Variants in CEP83 observed in about 807,000 individuals in gnomAD.
CEP83 encodes centrosomal protein of 83 kDa.
A neutral mutation model predicts 101.9 loss-of-function variants in CEP83; 70 were observed. That is an observed-to-expected ratio of 0.69 (90% CI 0.57 to 0.84). CEP83 has a LOEUF of 0.84. Ranked by LOEUF, CEP83 falls within the 40% of genes least tolerant of loss-of-function variation. The pLI, the probability that CEP83 is intolerant of heterozygous loss-of-function variation, is 0.00. For missense variants in CEP83, 715 were observed against 787.2 expected (o/e 0.91, Z 1.10); for synonymous variants, 264 against 267.9 (o/e 0.99, Z 0.14).
At chr12:94,451,637 A>C (rs183598413) in intron 1 of CEP83, among the ~76,000 whole-genome samples, 1 of 152,306 alleles carries the variant, frequency 6.6e-6, no homozygotes, top group East Asian at 1.9e-4. Flanking sequence ...GGCTATAATT[A>C]AAAAGATAAT....
the CEP83 span, among the ~76,000 whole-genome samples, chr12:94,268,620 G>T: frequency 2.1e-5 from 2 of 95,070 alleles, no homozygotes; most frequent in African/African-American, 4.9e-5. Flanking sequence ...TTTAATTTAA[G>T]GAATACCACT....
At chr12:94,438,922 T>C (rs2066196742) in intron 1 of CEP83, among the ~76,000 whole-genome samples, 1 of 152,170 alleles carries the variant, frequency 6.6e-6, no homozygotes, top group Non-Finnish European at 1.5e-5. Flanking sequence ...CTGAATGACC[T>C]CTGGGTCAAC....
intron 11 of CEP83, among the ~76,000 whole-genome samples, chr12:94,338,291 C>T (rs769382136): frequency 2.0e-5 from 3 of 151,950 alleles, no homozygotes; most frequent in Non-Finnish European, 4.4e-5. Flanking sequence ...AAAGTTGAGC[C>T]AGATATCAAA....
chr12:94,288,773 A>C, the CEP83 span, among the ~76,000 whole-genome samples: 1 of 152,246 alleles, frequency 6.6e-6, no homozygotes, highest in Non-Finnish European at 1.5e-5. Context: ...TGACGGAGGG[A>C]GAGCAATATT....
intron 11 of CEP83, among the ~76,000 whole-genome samples, chr12:94,341,289 T>G (rs1428536617): frequency 6.6e-6 from 1 of 152,200 alleles, no homozygotes; most frequent in Non-Finnish European, 1.5e-5. Context: ...ATGTAATAGA[T>G]TAATATCTAC....
At chr12:94,436,393 G>A (rs2065990198) in intron 1 of CEP83, among the ~76,000 whole-genome samples, 1 of 151,168 alleles carries the variant, frequency 6.6e-6, no homozygotes, top group Admixed American at 6.6e-5. Flanking sequence ...ATAAAAAAAA[G>A]ACAACCACAA....
intron 14 of CEP83, chr12:94,328,296 G>C: frequency 2.9e-6 from 1 of 350,760 alleles, no homozygotes; most frequent in South Asian, 2.2e-5. Context: ...CCCAACTCAA[G>C]ATCCTGTTCA....
At chr12:94,402,184 A>T (rs1013963580) in intron 5 of CEP83, 1 of 152,196 alleles carries the variant, frequency 6.6e-6, no homozygotes, top group Non-Finnish European at 1.5e-5. Context: ...ACTGTAACAG[A>T]TTTTTACTTT....
the CEP83 span, among the ~76,000 whole-genome samples, chr12:94,268,041 C>T: frequency 6.6e-6 from 1 of 152,082 alleles, no homozygotes; most frequent in Admixed American, 6.6e-5. Context: ...AAAGGAAAGT[C>T]GGAAATCAAG....
intron 6 of CEP83, among the ~76,000 whole-genome samples, chr12:94,393,039 C>T: frequency 6.6e-6 from 1 of 152,134 alleles, no homozygotes. Flanking sequence ...CTGAATTCTA[C>T]CAGAGGTACA....
At chr12:94,330,097 T>C (rs143702192) in intron 14 of CEP83, among the ~76,000 whole-genome samples, 1 of 152,338 alleles carries the variant, frequency 6.6e-6, no homozygotes, top group East Asian at 1.9e-4. Flanking sequence ...TATTTTCTCT[T>C]ATCCAAATAT....
intron 11 of CEP83, among the ~76,000 whole-genome samples, chr12:94,350,297 C>A (rs1203774953): frequency 6.6e-6 from 1 of 152,034 alleles, no homozygotes; most frequent in Non-Finnish European, 1.5e-5. Context: ...AACATATAAG[C>A]AACTGGAATA....
chr12:94,330,276 G>A (rs949989862), intron 14 of CEP83, among the ~76,000 whole-genome samples: 1 of 149,316 alleles, frequency 6.7e-6, no homozygotes, highest in South Asian at 2.1e-4. Context: ...CATATAACAC[G>A]CACACACACA....
chr12:94,455,590 T>A (rs1446377314), intron 1 of CEP83, among the ~76,000 whole-genome samples: 1 of 152,220 alleles, frequency 6.6e-6, no homozygotes, highest in South Asian at 2.1e-4. Context: ...TATAGACATA[T>A]TTTGAGACAG....
chr12:94,459,164 G>A (rs2067944462), intron 1 of CEP83, among the ~76,000 whole-genome samples: 1 of 152,200 alleles, frequency 6.6e-6, no homozygotes. Context: ...ATGGTCAAAA[G>A]TTGGACACTG....
At chr12:94,335,385 A>G (rs1483244379) in intron 12 of CEP83, among the ~76,000 whole-genome samples, 2 of 152,072 alleles carry the variant, frequency 1.3e-5, no homozygotes, top group Non-Finnish European at 2.9e-5. Flanking sequence ...TAAGAATAAT[A>G]GCAGTTAGCC....
chr12:94,389,913 GGAGGGGTGTCCC>G (rs1274067518), intron 6 of CEP83, among the ~76,000 whole-genome samples: 1 of 152,234 alleles, frequency 6.6e-6, no homozygotes, highest in Non-Finnish European at 1.5e-5. Flanking sequence ...CCTGGCAGGG[GGAGGGGTGTCCC>G]CCATTGCTGA....
chr12:94,385,945 A>C (rs1444291311), intron 6 of CEP83, among the ~76,000 whole-genome samples: 1 of 152,196 alleles, frequency 6.6e-6, no homozygotes, highest in African/African-American at 2.4e-5. Context: ...TATTCAGTAC[A>C]GTGATATGCT....
At chr12:94,340,680 A>T (rs913170520) in intron 11 of CEP83, among the ~76,000 whole-genome samples, 1 of 151,852 alleles carries the variant, frequency 6.6e-6, no homozygotes, top group Non-Finnish European at 1.5e-5. Context: ...CAGGTGTTCC[A>T]CCCGCCTCGG....
Sources: gnomAD v4.1 joint callset for allele counts (sites outside exome capture counted in the v4.1 genomes callset) on GRCh38, gnomAD v4.1.1 for gene constraint, MANE v1.5 for transcripts, NCBI Gene and HGNC (gene_info 2026-07-23, HGNC 2026-07-21) for gene names.